The following FRYL variants were observed in gnomAD, a reference collection of about 807,000 sequenced individuals.
FRYL encodes FRY like transcription coactivator.
Under a neutral mutation model 351.2 loss-of-function variants are expected in FRYL, and 150 were observed. That is an observed-to-expected ratio of 0.43 (90% confidence interval 0.37 to 0.49). FRYL has a LOEUF of 0.49. FRYL is among the 20% of genes least tolerant of loss of function. The probability of loss-of-function intolerance (pLI) is 0.00; values close to 1 mark genes in which losing one functional copy is unlikely to be tolerated. For missense variants in FRYL, 3,036 were observed against 3,619.3 expected (o/e 0.84, Z 4.13); for synonymous variants, 1,153 against 1,257.1 (o/e 0.92, Z 1.75).
chr4:48,767,666 G>C (rs1775106723), intron 1 of FRYL, among the ~76,000 whole-genome samples: 1 of 152,108 alleles, frequency 6.6e-6, no homozygotes, highest in South Asian at 2.1e-4. Context: ...CCAGTGGGTG[G>C]GAGAAAAGGG....
chr4:48,568,121 C>G (rs1048026230), intron 27 of FRYL, among the ~76,000 whole-genome samples: 4 of 152,094 alleles, frequency 2.6e-5, no homozygotes, highest in African/African-American at 9.7e-5. Flanking sequence ...AAAAATTTGC[C>G]GGGCATGGTG....
At chr4:48,653,684 T>A in intron 3 of FRYL, 1 of 1,254,188 alleles carries the variant, frequency 8.0e-7, no homozygotes, top group Non-Finnish European at 1.0e-6. Flanking sequence ...ACCTCAGCAT[T>A]TTTTTTTTCA....
intron 1 of FRYL, among the ~76,000 whole-genome samples, chr4:48,725,224 G>A (rs1769951059): frequency 6.6e-6 from 1 of 152,202 alleles, no homozygotes; most frequent in South Asian, 2.1e-4. Flanking sequence ...TCCACTCCAA[G>A]AGCCTGCCTG....
At chr4:48,775,535 C>T (rs1466308160) in intron 1 of FRYL, among the ~76,000 whole-genome samples, 5 of 152,208 alleles carry the variant, frequency 3.3e-5, no homozygotes, top group South Asian at 2.1e-4. Context: ...TAAAGAAGGA[C>T]GTGGAACAAC....
chr4:48,601,947 A>G (rs763193280), intron 13 of FRYL, 73 bp downstream of exon 13: 15 of 833,376 alleles, frequency 1.8e-5, no homozygotes, highest in Non-Finnish European at 2.8e-5. Flanking sequence ...TTCATTATGC[A>G]CTGTTCAATT....
chr4:48,515,303 C>T, intron 55 of FRYL, 28 bp from the exon 56 acceptor site: 1 of 1,522,772 alleles, frequency 6.6e-7, no homozygotes, highest in South Asian at 1.2e-5. Flanking sequence ...TTTTAGTGAA[C>T]TATAAACACA....
chr4:48,734,772 T>C (rs1207110262), intron 1 of FRYL, among the ~76,000 whole-genome samples: 2 of 152,162 alleles, frequency 1.3e-5, no homozygotes, highest in African/African-American at 4.8e-5. Flanking sequence ...CTAGCCAGTT[T>C]TCCCAGCACC....
At position 48,567,549 on chromosome 4, in the gene FRYL, A is replaced by G; in HGVS notation, c.2997-129T>C. The G allele has an allele frequency of 1.7e-6, 1 of 600,090 alleles. No individual in the cohort carries two copies. The highest frequency in any genetic ancestry group is 2.7e-6 in the Non-Finnish European group (1 of 366,606). 37.2% of individuals were successfully genotyped at this position (600,090 alleles called of 1,614,324 possible). A position where few individuals can be genotyped will look rare whatever the true frequency, so the allele number is the denominator to read the frequency against. ...TGCTCATGGCAGCACGCAACTTAATATATGAAAATTAAATGAATATGATTT... is the reference window on the plus strand; with the variant it reads ...TGCTCATGGCAGCACGCAACTTAATGTATGAAAATTAAATGAATATGATTT... On this transcript the variant is annotated intron_variant, in intron 27 of 63. Coordinates refer to ENST00000358350, the MANE Select transcript of FRYL (RefSeq NM_015030.2). The surrounding 1 kb of genome is among the most constrained non-coding windows in gnomAD (Gnocchi z 4.2).
In FRYL at chr4:48,603,272, T is replaced by C; in HGVS notation, c.933+18A>G. ...AATCCCAATTAAATATGAAAAGGTT[T>C]GAAATGTTTCTTAATACCAATGAAT... On this transcript the variant is annotated intron_variant, in intron 12 of 63. Coordinates refer to ENST00000358350, the MANE Select transcript of FRYL (RefSeq NM_015030.2). 1 of 1,465,946 alleles carries C rather than the reference T, an allele frequency of 6.8e-7. No homozygotes were observed. Among genetic ancestry groups the C allele is most frequent in the Non-Finnish European group, 9.5e-7 (1 of 1,057,472 alleles). 90.8% of individuals were successfully genotyped at this position (1,465,946 alleles called of 1,614,324 possible). A position where few individuals can be genotyped will look rare whatever the true frequency, so the allele number is the denominator to read the frequency against.
chr4:48,588,529 A>T (rs1211173824), intron 18 of FRYL, among the ~76,000 whole-genome samples: 1 of 152,298 alleles, frequency 6.6e-6, no homozygotes, highest in East Asian at 1.9e-4. Context: ...CCCCACATGG[A>T]CTATGCAGAT....
At chr4:48,613,695 C>T (rs1210960641) in intron 7 of FRYL, among the ~76,000 whole-genome samples, 5 of 152,174 alleles carry the variant, frequency 3.3e-5, no homozygotes, top group Admixed American at 3.3e-4. Context: ...GTGGCTCACG[C>T]CTGTAATCCC....
intron 3 of FRYL, among the ~76,000 whole-genome samples, chr4:48,656,477 T>C (rs1302561193): frequency 7.7e-6 from 1 of 130,160 alleles, no homozygotes; most frequent in Non-Finnish European, 1.6e-5. Flanking sequence ...ATAATGTATA[T>C]AGTAATGTAT....
intron 1 of FRYL, among the ~76,000 whole-genome samples, chr4:48,757,195 G>A (rs1401138247): frequency 1.3e-5 from 2 of 152,224 alleles, no homozygotes; most frequent in Non-Finnish European, 2.9e-5. Flanking sequence ...CACAAGACAA[G>A]GATGCCCTCT....
intron 54 of FRYL, among the ~76,000 whole-genome samples, chr4:48,521,664 T>C (rs1249344967): frequency 1.5e-4 from 23 of 152,206 alleles, no homozygotes; most frequent in Admixed American, 1.5e-3. Flanking sequence ...ATACTTGCCT[T>C]GTGTTAGGAG....
intron 1 of FRYL, among the ~76,000 whole-genome samples, chr4:48,737,670 C>A (rs1013578703): frequency 4.6e-5 from 7 of 152,150 alleles, no homozygotes; most frequent in Non-Finnish European, 1.0e-4. Flanking sequence ...AACGACATTA[C>A]AAGAAAACTA....
chr4:48,635,338 A>C (rs1754012556), intron 3 of FRYL, among the ~76,000 whole-genome samples: 1 of 152,222 alleles, frequency 6.6e-6, no homozygotes, highest in African/African-American at 2.4e-5. Context: ...AAGCCATTAC[A>C]GAAATCCAGG....
Position 48,710,608 on chromosome 4 carries a change from T to C in FRYL, c.-293A>G. 7.5e-6 allele frequency: 3 copies of C among 398,548 alleles called. No individual in the cohort carries two copies. The highest frequency in any genetic ancestry group is 1.3e-5 in the Non-Finnish European group (3 of 226,056). 24.7% of individuals were successfully genotyped at this position (398,548 alleles called of 1,614,324 possible). A position where few individuals can be genotyped will look rare whatever the true frequency, so the allele number is the denominator to read the frequency against. ...TCTAGAAGCTTTTTTGATCTGGAGC[T>C]TGTACTTTACAGGCACTCGAGTGGG... On this transcript the variant is annotated 5_prime_UTR_variant, in exon 2 of 64. Coordinates refer to ENST00000358350, the MANE Select transcript of FRYL (RefSeq NM_015030.2).
chr4:48,523,539 A>T (rs1346106969), intron 53 of FRYL: 1 of 157,244 alleles, frequency 6.4e-6, no homozygotes, highest in African/African-American at 2.4e-5. Flanking sequence ...GAAAAAAACG[A>T]AGACAAACAT....
chr4:48,775,672 G>A (rs1579000527), intron 1 of FRYL, among the ~76,000 whole-genome samples: 1 of 152,164 alleles, frequency 6.6e-6, no homozygotes, highest in African/African-American at 2.4e-5. Context: ...AGGAGTGCCC[G>A]CTGGGAGTCT....
Sources: gnomAD v4.1 joint callset for allele counts (sites outside exome capture counted in the v4.1 genomes callset) on GRCh38, gnomAD v4.1.1 for gene constraint, Gnocchi (gnomAD v3.1) non-coding constraint, MANE v1.5 for transcripts, NCBI Gene and HGNC (gene_info 2026-07-23, HGNC 2026-07-21) for gene names.